The following ANK2 variants were observed in gnomAD, a reference collection of about 807,000 sequenced individuals.
ANK2 encodes ankyrin 2.
A neutral mutation model predicts 360.5 loss-of-function variants in ANK2; 83 were observed. The ratio of observed to expected loss-of-function variants is 0.23; its 90% confidence interval spans 0.19 to 0.28. The LOEUF is 0.28. ANK2 is among the 10% of genes least tolerant of loss of function. ANK2 has a pLI of 1.00. For missense variants in ANK2, 4,201 were observed against 4,795.7 expected (o/e 0.88, Z 3.66); for synonymous variants, 1,740 against 1,759.5 (o/e 0.99, Z 0.28).
chr4:113,209,529 G>A (rs750000726), intron 4 of ANK2, among the ~76,000 whole-genome samples: 8 of 151,952 alleles, frequency 5.3e-5, no homozygotes, highest in Non-Finnish European at 1.2e-4. Flanking sequence ...GCCCTGTATA[G>A]CAATACCAGA....
chr4:113,107,118 C>G (rs1395012944), intron 1 of ANK2, among the ~76,000 whole-genome samples: 1 of 152,170 alleles, frequency 6.6e-6, no homozygotes, highest in Non-Finnish European at 1.5e-5. Flanking sequence ...ACAAAAATGA[C>G]TATAAATAGC....
intron 1 of ANK2, among the ~76,000 whole-genome samples, chr4:113,127,181 C>T (rs1364330504): frequency 2.0e-5 from 3 of 152,050 alleles, no homozygotes; most frequent in Admixed American, 6.5e-5. Context: ...ATTTGCCATG[C>T]TTCACTTTTC....
intron 2 of ANK2, among the ~76,000 whole-genome samples, chr4:112,950,578 A>C (rs1399871726): frequency 6.7e-6 from 1 of 150,126 alleles, no homozygotes; most frequent in Non-Finnish European, 1.5e-5. Flanking sequence ...TGGGAGGTGG[A>C]GGTTGCAGTG....
At chr4:113,285,003 T>C (rs1033173702) in intron 18 of ANK2, among the ~76,000 whole-genome samples, 1 of 152,208 alleles carries the variant, frequency 6.6e-6, no homozygotes, top group African/African-American at 2.4e-5. Context: ...GATATTATAA[T>C]CATTGTCCAA....
the ANK2 span, among the ~76,000 whole-genome samples, chr4:112,731,096 A>G: frequency 2.0e-5 from 3 of 151,576 alleles, no homozygotes; most frequent in South Asian, 2.1e-4. Context: ...GGGCCGAGTT[A>G]CACCACTGCA....
At position 113,264,952 on chromosome 4, in the gene ANK2, G is replaced by A. The variant is rs2055114546; in HGVS notation, c.1442G>A (p.Arg481Gln). ...AARAGQVEVV[R>Q]CLLRNGALVD... is the part of the protein sequence containing the mutation. ...CGAGCCGGGCAGGTGGAAGTGGTCCGATGCCTCCTGAGAAATGGTGCCCTT... is the reference window on the plus strand; with the variant it reads ...CGAGCCGGGCAGGTGGAAGTGGTCCAATGCCTCCTGAGAAATGGTGCCCTT... Residue 481 changes from arginine to glutamine, a missense_variant, in exon 14 of 46, where the codon CGA (arginine) becomes CAA (glutamine). By Grantham distance (43) the Arg-to-Gln change is conservative. Coordinates refer to ENST00000357077, the MANE Select transcript of ANK2 (RefSeq NM_001148.6). 3.8e-6 allele frequency: 6 copies of A among 1,568,086 alleles called. No individual in the cohort carries two copies. The highest frequency in any genetic ancestry group is 4.3e-6 in the Non-Finnish European group (5 of 1,155,356).
chr4:112,756,837 G>A, the ANK2 span, among the ~76,000 whole-genome samples: 2 of 152,044 alleles, frequency 1.3e-5, no homozygotes, highest in African/African-American at 4.8e-5. Flanking sequence ...GCCCTACATG[G>A]TGGTGGGCAT....
intron 16 of ANK2, 101 bp downstream of exon 16, chr4:113,278,036 C>A: frequency 1.7e-6 from 2 of 1,145,232 alleles, no homozygotes; most frequent in Non-Finnish European, 2.5e-6. Flanking sequence ...AATGTGAGAG[C>A]AACTGATGAA....
intron 2 of ANK2, among the ~76,000 whole-genome samples, chr4:113,024,736 A>G (rs1579313487): frequency 6.6e-6 from 1 of 152,146 alleles, no homozygotes. Flanking sequence ...AATGAATGCT[A>G]TATATGAATT....
At chr4:113,130,058 T>C (rs1286389829) in intron 1 of ANK2, among the ~76,000 whole-genome samples, 1 of 152,230 alleles carries the variant, frequency 6.6e-6, no homozygotes, top group Non-Finnish European at 1.5e-5. Context: ...GGTATCTGTA[T>C]AATATGCTGT....
chr4:113,302,901 CT>C (rs1252831899), intron 23 of ANK2, 62 bp downstream of exon 23: 4 of 1,424,518 alleles, frequency 2.8e-6, no homozygotes, highest in East Asian at 2.3e-5. Context: ...GCAAATTACC[CT>C]TTTTTTCAGA....
chr4:113,207,858 C>A (rs983336982), intron 4 of ANK2, among the ~76,000 whole-genome samples: 2 of 152,112 alleles, frequency 1.3e-5, no homozygotes, highest in Non-Finnish European at 2.9e-5. Context: ...GGGCAGGGGG[C>A]ATGCGGAAGA....
At chr4:112,827,234 G>T (rs2058604912) in intron 1 of ANK2, 3 of 1,071,478 alleles carry the variant, frequency 2.8e-6, no homozygotes, top group Non-Finnish European at 2.9e-6. Context: ...GAGAAGCAGA[G>T]AAAGGATTTA....
intron 2 of ANK2, among the ~76,000 whole-genome samples, chr4:112,969,260 A>G (rs1025648601): frequency 1.3e-5 from 2 of 152,230 alleles, no homozygotes; most frequent in African/African-American, 2.4e-5. Context: ...TTTAAAGCCC[A>G]TAGATATTCC....
intron 1 of ANK2, among the ~76,000 whole-genome samples, chr4:113,113,527 CTGGCTCTCAAGTTTAAA>C (rs1362518874): frequency 2.0e-5 from 3 of 152,194 alleles, no homozygotes; most frequent in Admixed American, 2.0e-4. Context: ...ACAGTCTATG[CTGGCTCTCAAGTTTAAA>C]TGTGAACGGA....
chr4:112,747,913 TTTCTA>T, the ANK2 span, among the ~76,000 whole-genome samples: 3 of 152,214 alleles, frequency 2.0e-5, no homozygotes, highest in African/African-American at 7.2e-5. Context: ...GGTTTATAGT[TTTCTA>T]TTCTAGAGAG....
intron 1 of ANK2, among the ~76,000 whole-genome samples, chr4:113,063,540 G>A (rs886830552): frequency 6.6e-6 from 1 of 152,000 alleles, no homozygotes; most frequent in Admixed American, 6.6e-5. Flanking sequence ...GGTAGAAGAC[G>A]GAAGACCAAA....
At chr4:113,166,345 A>G (rs1237733659) in intron 1 of ANK2, among the ~76,000 whole-genome samples, 2 of 152,066 alleles carry the variant, frequency 1.3e-5, no homozygotes, top group Non-Finnish European at 1.5e-5. Flanking sequence ...CACTTCTATT[A>G]TGTCATGAAA....
At chr4:113,190,552 T>A (rs956221078) in intron 2 of ANK2, among the ~76,000 whole-genome samples, 1 of 152,056 alleles carries the variant, frequency 6.6e-6, no homozygotes, top group Non-Finnish European at 1.5e-5. Flanking sequence ...TTTTAGAGAC[T>A]GAGATATTTT....
Sources: gnomAD v4.1 joint callset for allele counts (sites outside exome capture counted in the v4.1 genomes callset) on GRCh38, gnomAD v4.1.1 for gene constraint, MANE v1.5 for transcripts, NCBI Gene and HGNC (gene_info 2026-07-23, HGNC 2026-07-21) for gene names.